The following RHOB variants were observed in gnomAD, a reference collection of about 807,000 sequenced individuals.
RHOB encodes the protein ras homolog family member B.
RHOB carries 6 observed loss-of-function variants against 12.9 expected under a neutral mutation model. The observed-to-expected ratio is 0.47, with a 90% CI of 0.25 to 0.92. The LOEUF (loss-of-function observed/expected upper bound fraction) is 0.92. Among genes scored for constraint, RHOB ranks in the 40% least tolerant of loss-of-function variants. The pLI is 0.16. For synonymous variants in RHOB, 168 were observed against 122.1 expected (o/e 1.38, Z -2.48); for missense variants, 142 against 277.9 (o/e 0.51, Z 3.48).
In RHOB at chr2:20,447,801, C is replaced by T. The variant is rs760255391; in HGVS notation, c.336C>T (p.Ile112=). Reference sequence around the variant, plus strand: ...AGCACTTCTGTCCCAATGTGCCCATCATCCTGGTGGCCAACAAAAAAGACC... The same window carrying T: ...AGCACTTCTGTCCCAATGTGCCCATTATCCTGGTGGCCAACAAAAAAGACC... ...EVKHFCPNVP[I]ILVANKKDLR... The change falls in exon 1 of 1, where the codon ATC becomes ATT. Residue 112 remains isoleucine (I), a synonymous_variant. Coordinates refer to ENST00000272233, the MANE Select transcript of RHOB (RefSeq NM_004040.4). 2 of 1,614,048 alleles carry T rather than the reference C, an allele frequency of 1.2e-6. No individual in the cohort carries two copies. Among genetic ancestry groups the T allele is most frequent in the South Asian group, 2.2e-5 (2 of 91,088 alleles).
In RHOB at chr2:20,448,173, C is replaced by A; in HGVS notation, c.*117C>A. ...ACAAGGACCCCACCGGCCTGCCTGG[C>A]ATCTGTCTGCTGACGCCTCTGGCTT... is the stretch of plus-strand genomic sequence containing the variant. On this transcript the variant is annotated 3_prime_UTR_variant, in exon 1 of 1. Coordinates refer to ENST00000272233, the MANE Select transcript of RHOB (RefSeq NM_004040.4). 1.1e-6 allele frequency: 1 copy of A among 922,644 alleles called. No individual in the cohort carries two copies. Among genetic ancestry groups the A allele is most frequent in the Non-Finnish European group, 1.6e-6 (1 of 617,294 alleles). 57.2% of individuals were successfully genotyped at this position (922,644 alleles called of 1,614,324 possible). A position where few individuals can be genotyped will look rare whatever the true frequency, so the allele number is the denominator to read the frequency against.
rs1335541587 is a variant in RHOB, at chr2:20,448,022, A to G, written c.557A>G (p.Gln186Arg). ...GCGCTGCAGAAGCGCTACGGCTCCC[A>G]GAACGGCTGCATCAACTGCTGCAAG... ...RAALQKRYGS[Q>R]NGCINCCKVL is the part of the protein sequence containing the mutation. The change falls in exon 1 of 1, where the codon CAG becomes CGG. Residue 186 changes from glutamine (Q) to arginine (R), a missense_variant. By Grantham distance (43) the Gln-to-Arg change is conservative (BLOSUM62 1). This residue lies in a region of RHOB where 113 missense variants were observed against 166.3 expected (regional missense o/e 0.68). Coordinates refer to ENST00000272233, the MANE Select transcript of RHOB (RefSeq NM_004040.4). 6.2e-7 allele frequency: 1 copy of G among 1,612,286 alleles called. No individual in the cohort carries two copies. The highest frequency in any genetic ancestry group is 1.1e-5 in the South Asian group (1 of 91,050).
rs752630835 is a variant in RHOB, at chr2:20,448,085, C to T, written c.*29C>T. On this transcript the variant is annotated 3_prime_UTR_variant, in exon 1 of 1. Coordinates refer to ENST00000272233, the MANE Select transcript of RHOB (RefSeq NM_004040.4). Reference sequence around the variant, plus strand: ...CCGCGCCCGTCGCGCCTGCCCCTGCCGGCACGGCTCCCCCTCCTGGACCAG... The same window carrying T: ...CCGCGCCCGTCGCGCCTGCCCCTGCTGGCACGGCTCCCCCTCCTGGACCAG... 9 of 1,557,806 alleles carry T rather than the reference C, an allele frequency of 5.8e-6. No homozygotes were observed. The highest frequency in any genetic ancestry group is 2.7e-5 in the African/African-American group (2 of 73,906).
At position 20,447,909 on chromosome 2, in the gene RHOB, C is replaced by T. The variant is rs779073901; in HGVS notation, c.444C>T (p.Ala148=). ...GCACGGATGACGGCCGCGCCATGGC[C>T]GTGCGCATCCAAGCCTACGACTACC... ...PVRTDDGRAM[A]VRIQAYDYLE... Residue 148 remains alanine (A), a synonymous_variant, in exon 1 of 1, where the codon GCC becomes GCT. Coordinates refer to ENST00000272233, the MANE Select transcript of RHOB (RefSeq NM_004040.4). The T allele has an allele frequency of 2.5e-6, 4 of 1,613,102 alleles. No homozygotes were observed. The highest frequency in any genetic ancestry group is 1.1e-5 in the South Asian group (1 of 91,090).
chr2:20,449,205 C>T lies in RHOB; in HGVS notation c.*1149C>T, dbSNP rs958748032. 1.2e-5 allele frequency: 2 copies of T among 166,520 alleles called. No individual in the cohort carries two copies. The highest frequency in any genetic ancestry group is 4.8e-5 in the African/African-American group (2 of 41,336). The allele number at this position is 166,520 out of a possible 1,614,324, so 10.3% of individuals were successfully genotyped here. On this transcript the variant is annotated 3_prime_UTR_variant, in exon 1 of 1. Transcript: ENST00000272233. Reference sequence around the variant, plus strand: ...TTTTTCCACAAGGCATTCTCTAAAGCTATGTGAAATTTTCTCTGCACCTCT... The same window carrying T: ...TTTTTCCACAAGGCATTCTCTAAAGTTATGTGAAATTTTCTCTGCACCTCT...
At position 20,447,798 on chromosome 2, in the gene RHOB, C is replaced by T. The variant is rs775952052; in HGVS notation, c.333C>T (p.Pro111=). The T allele has an allele frequency of 1.5e-5, 24 of 1,614,010 alleles. No individual in the cohort carries two copies. Among genetic ancestry groups the T allele is most frequent in the South Asian group, 3.3e-5 (3 of 91,074 alleles). The change falls in exon 1 of 1, where the codon CCC becomes CCT. Residue 111 remains proline (P), a synonymous_variant. Transcript: ENST00000272233. Reference sequence around the variant, plus strand: ...TGAAGCACTTCTGTCCCAATGTGCCCATCATCCTGGTGGCCAACAAAAAAG... The same window carrying T: ...TGAAGCACTTCTGTCCCAATGTGCCTATCATCCTGGTGGCCAACAAAAAAG... ...PEVKHFCPNV[P]IILVANKKDL...
rs1490742881 is a variant in RHOB, at chr2:20,448,138, C to G, written c.*82C>G. On this transcript the variant is annotated 3_prime_UTR_variant, in exon 1 of 1. Coordinates refer to ENST00000272233, the MANE Select transcript of RHOB (RefSeq NM_004040.4). The stretch of plus-strand genomic sequence containing the variant: ...CCCCGCGAGCCCGGAGAAGGGGAGA[C>G]CCGTGTCCCACAAGGACCCCACCGG... 1.6e-6 allele frequency: 2 copies of G among 1,243,270 alleles called. No individual in the cohort carries two copies. The highest frequency in any genetic ancestry group is 2.2e-6 in the Non-Finnish European group (2 of 894,686). The allele number at this position is 1,243,270 out of a possible 1,614,324, so 77.0% of individuals were successfully genotyped here.
chr2:20,447,770 AGGT>A lies in RHOB; in HGVS notation c.307_309del (p.Val103del). ...AACATCCCCGAGAAGTGGGTCCCCG[AGGT>A]GAAGCACTTCTGTCCCAATGTGCCC... is the stretch of plus-strand genomic sequence containing the variant. On this transcript the variant is annotated inframe_deletion, in exon 1 of 1. Coordinates refer to ENST00000272233, the MANE Select transcript of RHOB (RefSeq NM_004040.4). 1 of 1,613,638 alleles carries A rather than the reference AGGT, an allele frequency of 6.2e-7. No homozygotes were observed. Among genetic ancestry groups the A allele is most frequent in the Non-Finnish European group, 8.5e-7 (1 of 1,179,910 alleles).
At position 20,447,439 on chromosome 2, in the gene RHOB, C is replaced by T. The variant is rs765571848; in HGVS notation, c.-27C>T. 2.5e-5 allele frequency: 39 copies of T among 1,568,910 alleles called. No individual in the cohort carries two copies. Among genetic ancestry groups the T allele is most frequent in the South Asian group, 5.9e-5 (5 of 85,196 alleles). ...GGGCAGCGAGGCGTTCGCGGGCCCC[C>T]TCCTGCTGCCCGGGCCCGGCCCGCT... On this transcript the variant is annotated 5_prime_UTR_variant, in exon 1 of 1. Transcript: ENST00000272233.
chr2:20,447,803 T>C lies in RHOB; in HGVS notation c.338T>C (p.Ile113Thr). ...VKHFCPNVPI[I>T]LVANKKDLRS... ...CACTTCTGTCCCAATGTGCCCATCA[T>C]CCTGGTGGCCAACAAAAAAGACCTG... is the stretch of plus-strand genomic sequence containing the variant. Residue 113 changes from isoleucine to threonine, a missense_variant, in exon 1 of 1, where the codon ATC becomes ACC. Ile to Thr is a moderately conservative substitution (Grantham distance 89). Around this residue, in one of 2 missense-constraint regions of RHOB, gnomAD observed 113 missense variants for 166.3 expected, o/e 0.68. Transcript: ENST00000272233. 6.2e-7 allele frequency: 1 copy of C among 1,613,784 alleles called. No individual in the cohort carries two copies. Among genetic ancestry groups the C allele is most frequent in the East Asian group, 2.2e-5 (1 of 44,834 alleles).
chr2:20,447,366 C>T lies in RHOB; in HGVS notation c.-100C>T. The T allele has an allele frequency of 2.1e-6, 2 of 934,832 alleles. No homozygotes were observed. Among genetic ancestry groups the T allele is most frequent in the South Asian group, 1.9e-5 (1 of 51,796 alleles). 57.9% of individuals were successfully genotyped at this position (934,832 alleles called of 1,614,324 possible). On this transcript the variant is annotated 5_prime_UTR_variant, in exon 1 of 1. Coordinates refer to ENST00000272233, the MANE Select transcript of RHOB (RefSeq NM_004040.4). ...GGGCCCGGGTGCAGCTAGCGACCCT[C>T]TCGCCACCTGCGCGCAGCCCGAGGT...
rs1388355587 is a variant in RHOB, at chr2:20,449,105, T to G, written c.*1049T>G. The stretch of plus-strand genomic sequence containing the variant: ...CCTTGAAGAATGTGGCAACACTGTT[T>G]TGTGATTTTATTTGTGCAGGTCATG... On this transcript the variant is annotated 3_prime_UTR_variant, in exon 1 of 1. Transcript: ENST00000272233. The G allele has an allele frequency of 6.0e-6, 1 of 167,030 alleles. No homozygotes were observed. Among genetic ancestry groups the G allele is most frequent in the African/African-American group, 2.4e-5 (1 of 41,430 alleles). The allele number at this position is 167,030 out of a possible 1,614,324, so 10.3% of individuals were successfully genotyped here. A position where few individuals can be genotyped will look rare whatever the true frequency, so the allele number is the denominator to read the frequency against.
In RHOB at chr2:20,448,111, T is replaced by TC. The variant is rs1691037267; in HGVS notation, c.*60dup. 2 of 1,421,752 alleles carry TC rather than the reference T, an allele frequency of 1.4e-6. No individual in the cohort carries two copies. Among genetic ancestry groups the TC allele is most frequent in the Non-Finnish European group, 1.9e-6 (2 of 1,037,614 alleles). 88.1% of individuals were successfully genotyped at this position (1,421,752 alleles called of 1,614,324 possible). ...GGCACGGCTCCCCCTCCTGGACCAG[T>TC]CCCCCGCGAGCCCGGAGAAGGGGAG... On this transcript the variant is annotated 3_prime_UTR_variant, in exon 1 of 1. Coordinates refer to ENST00000272233, the MANE Select transcript of RHOB (RefSeq NM_004040.4).
In RHOB at chr2:20,447,355, C is replaced by G. The variant is rs967192808; in HGVS notation, c.-111C>G. The G allele has an allele frequency of 7.4e-6, 6 of 807,470 alleles. No individual in the cohort carries two copies. The Admixed American group carries it at 1.2e-4, about 16-fold the overall frequency. The allele number at this position is 807,470 out of a possible 1,614,324, so 50.0% of individuals were successfully genotyped here. ...GCGCCACCGCGGGGCCCGGGTGCAG[C>G]TAGCGACCCTCTCGCCACCTGCGCG... is the stretch of plus-strand genomic sequence containing the variant. On this transcript the variant is annotated 5_prime_UTR_variant, in exon 1 of 1. Transcript: ENST00000272233.
chr2:20,447,146 C>G lies in RHOB; in HGVS notation c.-320C>G, dbSNP rs993988410. ...AGGCCCGGAGAGACCCGGGAGAGAG[C>G]TAGGCCGAGTCCACCGCCCGAGTCT... On this transcript the variant is annotated 5_prime_UTR_variant, in exon 1 of 1. Coordinates refer to ENST00000272233, the MANE Select transcript of RHOB (RefSeq NM_004040.4). 3.3e-5 allele frequency: 9 copies of G among 276,072 alleles called. No homozygotes were observed. Among genetic ancestry groups the G allele is most frequent in the African/African-American group, 2.0e-4 (9 of 45,086 alleles). 17.1% of individuals were successfully genotyped at this position (276,072 alleles called of 1,614,324 possible).
In RHOB at chr2:20,447,918, C is replaced by T. The variant is rs1182834056; in HGVS notation, c.453C>T (p.Ile151=). ...TDDGRAMAVR[I]QAYDYLECSA... ...ACGGCCGCGCCATGGCCGTGCGCAT[C>T]CAAGCCTACGACTACCTCGAGTGCT... The change falls in exon 1 of 1, where the codon ATC becomes ATT. Residue 151 remains isoleucine (I), a synonymous_variant. Transcript: ENST00000272233. The T allele has an allele frequency of 1.9e-6, 3 of 1,613,240 alleles. No individual in the cohort carries two copies. In the South Asian group the frequency reaches 3.3e-5, roughly 18 times the overall value.
At position 20,447,531 on chromosome 2, in the gene RHOB, G is replaced by A. The variant is rs2149248053; in HGVS notation, c.66G>A (p.Leu22=). The A allele has an allele frequency of 6.2e-7, 1 of 1,614,124 alleles. No homozygotes were observed. The highest frequency in any genetic ancestry group is 1.1e-5 in the South Asian group (1 of 91,082). ...GCGCGTGTGGCAAGACGTGCCTGCT[G>A]ATCGTGTTCAGTAAGGACGAGTTCC... ...GDGACGKTCL[L]IVFSKDEFPE... The change falls in exon 1 of 1, where the codon CTG becomes CTA. Residue 22 remains leucine (L), a synonymous_variant. Transcript: ENST00000272233.
Position 20,448,294 on chromosome 2 carries a change from A to G in RHOB, c.*238A>G. 1 of 564,548 alleles carries G rather than the reference A, an allele frequency of 1.8e-6. No homozygotes were observed. The highest frequency in any genetic ancestry group is 3.2e-6 in the Non-Finnish European group (1 of 310,258). The allele number at this position is 564,548 out of a possible 1,614,324, so 35.0% of individuals were successfully genotyped here. A position where few individuals can be genotyped will look rare whatever the true frequency, so the allele number is the denominator to read the frequency against. ...GGCCTGGGCTCCCCACTGAGTGCCA[A>G]GGGTCCCCTGAGCATGCTTTTCTGA... On this transcript the variant is annotated 3_prime_UTR_variant, in exon 1 of 1. Transcript: ENST00000272233.
In RHOB at chr2:20,449,357, CTTA is replaced by C. The variant is rs1691070136; in HGVS notation, c.*1303_*1305del. 1 of 166,774 alleles carries C rather than the reference CTTA, an allele frequency of 6.0e-6. No individual in the cohort carries two copies. Among genetic ancestry groups the C allele is most frequent in the African/African-American group, 2.4e-5 (1 of 41,302 alleles). The allele number at this position is 166,774 out of a possible 1,614,324, so 10.3% of individuals were successfully genotyped here. ...AACTGACAAATGACAAAATGGTGAG[CTTA>C]TGATGTTTACATAAAAGTTCTATAA... On this transcript the variant is annotated 3_prime_UTR_variant, in exon 1 of 1. Coordinates refer to ENST00000272233, the MANE Select transcript of RHOB (RefSeq NM_004040.4).
Sources: gnomAD v4.1 joint callset for allele counts on GRCh38, gnomAD v4.1.1 for gene constraint, gnomAD v4.1.1 regional missense constraint, MANE v1.5 for transcripts, NCBI Gene and HGNC (gene_info 2026-07-23, HGNC 2026-07-21) for gene names.